Variants in CCDC146 observed in about 807,000 individuals in gnomAD.
CCDC146 encodes the protein coiled-coil domain containing 146, also known as coiled-coil domain-containing protein 146.
In CCDC146, 92 loss-of-function variants were observed where a neutral mutation model predicts 119.3. The ratio of observed to expected loss-of-function variants is 0.77; its 90% CI spans 0.65 to 0.92. The LOEUF (loss-of-function observed/expected upper bound fraction) is 0.92. Among genes scored for constraint, CCDC146 ranks in the 40% least tolerant of loss-of-function variants. The pLI, the probability that CCDC146 is intolerant of heterozygous loss-of-function variation, is 0.00. For missense variants in CCDC146, 1,000 were observed against 1,103.0 expected (o/e 0.91, Z 1.32); for synonymous variants, 372 against 371.8 (o/e 1.00, Z -0.01).
intron 3 of CCDC146, among the ~76,000 whole-genome samples, chr7:77,237,317 C>T (rs1792756835): frequency 6.6e-6 from 1 of 152,316 alleles, no homozygotes; most frequent in East Asian, 1.9e-4. Context: ...TCAGCACTCT[C>T]CCACTGAAGA....
chr7:77,206,484 G>T (rs527961650), intron 2 of CCDC146, among the ~76,000 whole-genome samples: 17 of 152,100 alleles, frequency 1.1e-4, no homozygotes, highest in African/African-American at 3.9e-4. Context: ...GTGTGGTGGT[G>T]TGTGTCTGTA....
At chr7:77,270,421 C>G (rs1306718244) in intron 9 of CCDC146, among the ~76,000 whole-genome samples, 2 of 151,562 alleles carry the variant, frequency 1.3e-5, no homozygotes, top group East Asian at 3.9e-4. Context: ...ACTAAAAGAA[C>G]TATCATAAGC....
intron 1 of CCDC146, among the ~76,000 whole-genome samples, chr7:77,162,383 C>T (rs1449428453): frequency 6.6e-6 from 1 of 152,204 alleles, no homozygotes; most frequent in Non-Finnish European, 1.5e-5. Flanking sequence ...ATTTCCCTAA[C>T]ACCCTGTATT....
At chr7:77,163,860 C>CTT (rs530810388) in intron 1 of CCDC146, among the ~76,000 whole-genome samples, 31 of 110,030 alleles carry the variant, frequency 2.8e-4, no homozygotes, top group Non-Finnish European at 3.3e-4. Context: ...TCTTTTTTTT[C>CTT]TTTTTTTTTT....
chr7:77,206,672 TAC>T (rs1016831306), intron 2 of CCDC146, among the ~76,000 whole-genome samples: 22 of 130,748 alleles, frequency 1.7e-4, no homozygotes, highest in East Asian at 4.3e-4. Context: ...TATATATATA[TAC>T]ACACACACAC....
rs191120122 is a variant in CCDC146, at chr7:77,126,544, C to T, written c.-12+3812C>T. Reference sequence around the variant, plus strand: ...CATTCAGTTCTCATTAGAGAGGTGGCCCTGGAGAGGGTAGCTCCTCTCTAC... The same window carrying T: ...CATTCAGTTCTCATTAGAGAGGTGGTCCTGGAGAGGGTAGCTCCTCTCTAC... On this transcript the variant is annotated intron_variant, in intron 1 of 18. Coordinates refer to ENST00000285871, the MANE Select transcript of CCDC146 (RefSeq NM_020879.3). 2.6e-5 allele frequency among the ~76,000 whole-genome samples: 4 copies of T among 152,106 alleles called. No homozygotes were observed. In the South Asian group the frequency reaches 6.2e-4, roughly 24 times the overall value.
intron 7 of CCDC146, among the ~76,000 whole-genome samples, chr7:77,259,512 T>C (rs1470107656): frequency 1.3e-5 from 2 of 152,174 alleles, no homozygotes; most frequent in East Asian, 1.9e-4. Flanking sequence ...GCAGAGGTCA[T>C]TGAGGAAATT....
intron 3 of CCDC146, among the ~76,000 whole-genome samples, chr7:77,239,295 A>G (rs1443854742): frequency 1.3e-5 from 2 of 152,224 alleles, no homozygotes; most frequent in Non-Finnish European, 2.9e-5. Context: ...TTAGATTTAC[A>G]AAGTTTATTA....
intron 1 of CCDC146, among the ~76,000 whole-genome samples, chr7:77,133,374 G>A (rs535750882): frequency 6.6e-5 from 10 of 152,140 alleles, no homozygotes; most frequent in African/African-American, 2.2e-4. Context: ...GTTTTGAGAC[G>A]GAGTCTCACT....
At chr7:77,242,057 C>T (rs2150489833) in intron 4 of CCDC146, among the ~76,000 whole-genome samples, 157 bp downstream of exon 4, 1 of 152,278 alleles carries the variant, frequency 6.6e-6, no homozygotes, top group Non-Finnish European at 1.5e-5. Context: ...AATGGGAATT[C>T]CCTGAACAAG....
At chr7:77,144,024 G>C (rs1584021546) in intron 1 of CCDC146, among the ~76,000 whole-genome samples, 1 of 151,606 alleles carries the variant, frequency 6.6e-6, no homozygotes. Context: ...CCATTTTCAC[G>C]ATATTAATTC....
At chr7:77,284,357 C>T (rs554661510) in intron 15 of CCDC146, among the ~76,000 whole-genome samples, 186 of 152,156 alleles carry the variant, frequency 1.2e-3, no homozygotes, top group African/African-American at 4.4e-3. Flanking sequence ...TTTCACCTCC[C>T]CTCTCCCTCC....
At chr7:77,216,792 T>A in intron 2 of CCDC146, among the ~76,000 whole-genome samples, 1 of 152,182 alleles carries the variant, frequency 6.6e-6, no homozygotes, top group Admixed American at 6.5e-5. Context: ...TATAATTTGC[T>A]TTTTTGTCAA....
rs557120209 is a variant in CCDC146, at chr7:77,257,482, C to A, written c.684+973C>A. On this transcript the variant is annotated intron_variant, in intron 6 of 18. Coordinates refer to ENST00000285871, the MANE Select transcript of CCDC146 (RefSeq NM_020879.3). ...TACTGTCCAGAACATAGGACCCTAG[C>A]AGAGATGGATTTAACAGGAACCCAG... Among the ~76,000 whole-genome samples, 12 of 152,250 alleles carry A rather than the reference C, an allele frequency of 7.9e-5. No homozygotes were observed. In the East Asian group the frequency reaches 2.3e-3, roughly 29 times the overall value.
At chr7:77,243,429 C>G (rs1792886703) in intron 4 of CCDC146, among the ~76,000 whole-genome samples, 1 of 152,118 alleles carries the variant, frequency 6.6e-6, no homozygotes, top group African/African-American at 2.4e-5. Flanking sequence ...AGCTCAAGAA[C>G]AAGCTTATTT....
intron 1 of CCDC146, among the ~76,000 whole-genome samples, chr7:77,133,538 G>A (rs929995062): frequency 1.3e-5 from 2 of 152,018 alleles, no homozygotes; most frequent in Non-Finnish European, 2.9e-5. Context: ...TTTTAGTAGA[G>A]ACGTGGTTTC....
In CCDC146 at chr7:77,274,674, T is replaced by C. The variant is rs1035762401; in HGVS notation, c.1440+22T>C. 4 of 1,593,928 alleles carry C rather than the reference T, an allele frequency of 2.5e-6. No homozygotes were observed. The African/African-American group carries it at 4.1e-5, about 16-fold the overall frequency. Reference sequence around the variant, plus strand: ...TCAGGTAACTGCATTTTTTTAACCATTCATTGATAACTACAAGAGTTCAGG... The same window carrying C: ...TCAGGTAACTGCATTTTTTTAACCACTCATTGATAACTACAAGAGTTCAGG... On this transcript the variant is annotated intron_variant, in intron 11 of 18. Transcript: ENST00000285871.
At chr7:77,181,299 C>T (rs768643635) in intron 2 of CCDC146, among the ~76,000 whole-genome samples, 10 of 152,156 alleles carry the variant, frequency 6.6e-5, no homozygotes, top group Non-Finnish European at 1.5e-4. Context: ...TGGGCCCATT[C>T]ATAAGGTCTG....
intron 2 of CCDC146, among the ~76,000 whole-genome samples, chr7:77,204,022 GT>G (rs34987148): frequency 0.11 from 16,082 of 147,918 alleles, 1,108 homozygotes; most frequent in Non-Finnish European, 0.16. Flanking sequence ...CCCTAATACA[GT>G]TTTTTTTTTC....
Sources: allele counts gnomAD v4.1 joint callset (sites outside exome capture counted in the v4.1 genomes callset), GRCh38; gene constraint gnomAD v4.1.1; transcripts MANE v1.5; gene names NCBI Gene and HGNC (gene_info 2026-07-23, HGNC 2026-07-21).